ZRANB3: variants seen among roughly 807,000 people sequenced by gnomAD.
The protein encoded by ZRANB3 is DNA annealing helicase and endonuclease ZRANB3.
Under a neutral mutation model 133.8 loss-of-function variants are expected in ZRANB3, and 125 were observed. The ratio of observed to expected loss-of-function variants is 0.93; its 90% CI spans 0.81 to 1.08. The LOEUF is 1.08. ZRANB3 is among the 50% of genes least tolerant of loss of function. ZRANB3 has a pLI of 0.00. For missense variants in ZRANB3, 1,229 were observed against 1,275.5 expected (o/e 0.96, Z 0.56); for synonymous variants, 387 against 432.7 (o/e 0.89, Z 1.31).
intron 2 of ZRANB3, among the ~76,000 whole-genome samples, chr2:135,485,099 A>C (rs531463337): frequency 2.0e-4 from 31 of 152,244 alleles, no homozygotes; most frequent in Admixed American, 1.2e-3. Flanking sequence ...GAGTATACCT[A>C]GAAAGAACAC....
At chr2:135,415,113 A>G (rs1482660945) in intron 2 of ZRANB3, among the ~76,000 whole-genome samples, 1 of 150,562 alleles carries the variant, frequency 6.6e-6, no homozygotes, top group Non-Finnish European at 1.5e-5. Flanking sequence ...TCAGAGCAGA[A>G]CGGAAGGAAA....
chr2:135,490,124 A>T (rs1190508027), intron 2 of ZRANB3, among the ~76,000 whole-genome samples: 1 of 152,204 alleles, frequency 6.6e-6, no homozygotes, highest in Non-Finnish European at 1.5e-5. Flanking sequence ...AGTCTGTAGC[A>T]AACAGTGAGC....
intron 12 of ZRANB3, among the ~76,000 whole-genome samples, chr2:135,263,573 G>A (rs529126647): frequency 6.6e-6 from 1 of 152,088 alleles, no homozygotes; most frequent in Non-Finnish European, 1.5e-5. Flanking sequence ...CCAATTCCAA[G>A]TCTGGAGCAA....
chr2:135,514,100 C>T (rs1693595723), intron 1 of ZRANB3, among the ~76,000 whole-genome samples: 1 of 152,046 alleles, frequency 6.6e-6, no homozygotes, highest in Non-Finnish European at 1.5e-5. Flanking sequence ...GTTCTTTTTG[C>T]CTAGGATTGT....
intron 6 of ZRANB3, among the ~76,000 whole-genome samples, chr2:135,322,092 T>C (rs72982371): frequency 0.062 from 9,403 of 152,248 alleles, 568 homozygotes; most frequent in African/African-American, 0.16. Flanking sequence ...TTTTCACATA[T>C]GGATGTCCAA....
intron 10 of ZRANB3, among the ~76,000 whole-genome samples, chr2:135,269,702 G>A (rs2105117922): frequency 6.6e-6 from 1 of 152,236 alleles, no homozygotes; most frequent in South Asian, 2.1e-4. Flanking sequence ...TTGAAATAGT[G>A]TGACATAAAA....
chr2:135,287,171 A>G (rs1681416441), intron 8 of ZRANB3, among the ~76,000 whole-genome samples: 1 of 152,236 alleles, frequency 6.6e-6, no homozygotes, highest in African/African-American at 2.4e-5. Context: ...TTTATTGAAT[A>G]GAGTGTTCTT....
intron 3 of ZRANB3, among the ~76,000 whole-genome samples, chr2:135,377,414 GT>G (rs58937884): frequency 6.6e-6 from 1 of 151,322 alleles, no homozygotes; most frequent in East Asian, 1.9e-4. Context: ...AATGAAATTA[GT>G]TTTTTTTTGA....
At chr2:135,257,454 C>T (rs1448857913) in intron 12 of ZRANB3, among the ~76,000 whole-genome samples, 1 of 152,144 alleles carries the variant, frequency 6.6e-6, no homozygotes, top group African/African-American at 2.4e-5. Context: ...CTTGGATGTA[C>T]GATTGCTGGG....
chr2:135,324,543 C>T (rs1223031184), intron 6 of ZRANB3, among the ~76,000 whole-genome samples: 13 of 152,124 alleles, frequency 8.5e-5, no homozygotes, highest in East Asian at 3.9e-4. Context: ...AATAAACATA[C>T]GCGTGCATGT....
chr2:135,296,156 A>G (rs1000522982), intron 8 of ZRANB3, among the ~76,000 whole-genome samples: 12 of 152,168 alleles, frequency 7.9e-5, no homozygotes, highest in African/African-American at 2.9e-4. Context: ...TCTCCTGGAT[A>G]ATATCCTGCA....
intron 1 of ZRANB3, among the ~76,000 whole-genome samples, chr2:135,508,814 AAGTC>A (rs1213426504): frequency 1.1e-4 from 17 of 152,244 alleles, no homozygotes; most frequent in African/African-American, 3.4e-4. Flanking sequence ...TTGCTACAAA[AAGTC>A]AGTTGTAATC....
rs796914977 is a variant in ZRANB3, at chr2:135,441,836, G to A, written c.162-51016C>T. 1.6e-4 allele frequency among the ~76,000 whole-genome samples: 24 copies of A among 152,222 alleles called. 1 individual carries two copies. Among genetic ancestry groups the A allele is most frequent in the African/African-American group, 4.8e-4 (20 of 41,548 alleles). ...TAAAAATTTACATTGGTAAGCAAAA[G>A]GCATTTGTTTTAACACAAAAGAATG... On this transcript the variant is annotated intron_variant, in intron 2 of 20. Coordinates refer to ENST00000264159, the MANE Select transcript of ZRANB3 (RefSeq NM_032143.4).
chr2:135,378,491 C>CAA (rs112659354), intron 3 of ZRANB3, among the ~76,000 whole-genome samples: 1 of 135,664 alleles, frequency 7.4e-6, no homozygotes, highest in Admixed American at 7.6e-5. Flanking sequence ...GACTCCATCT[C>CAA]AAAAAAAAAA....
chr2:135,390,262 T>C (rs374623056), intron 3 of ZRANB3, among the ~76,000 whole-genome samples: 1 of 152,294 alleles, frequency 6.6e-6, no homozygotes. Context: ...TTTATTGACT[T>C]ACATTAGTCT....
intron 1 of ZRANB3, among the ~76,000 whole-genome samples, chr2:135,526,570 A>C (rs1211215352): frequency 6.6e-6 from 1 of 152,172 alleles, no homozygotes; most frequent in African/African-American, 2.4e-5. Flanking sequence ...ATATATTGTG[A>C]TTTATTTTTC....
rs965185882 is a variant in ZRANB3 at position 135,300,839 on chromosome 2, C to A, written c.966+12650G>T. Among the ~76,000 whole-genome samples, 5 of 152,304 alleles carry A rather than the reference C, an allele frequency of 3.3e-5. No homozygotes were observed. The East Asian group carries it at 9.6e-4, about 29-fold the overall frequency. On this transcript the variant is annotated intron_variant, in intron 8 of 20. Coordinates refer to ENST00000264159, the MANE Select transcript of ZRANB3 (RefSeq NM_032143.4). ...TATTAGTTATTGCTTCCAATACATT[C>A]TCCACACAGCTAGTTATTCCTCTAA...
At chr2:135,294,536 CA>C (rs1681935380) in intron 8 of ZRANB3, among the ~76,000 whole-genome samples, 1 of 151,840 alleles carries the variant, frequency 6.6e-6, no homozygotes, top group South Asian at 2.1e-4. Flanking sequence ...TTGATATTTT[CA>C]AAAAACCAGC....
At chr2:135,404,720 C>A (rs981169242) in intron 2 of ZRANB3, among the ~76,000 whole-genome samples, 1 of 152,164 alleles carries the variant, frequency 6.6e-6, no homozygotes, top group South Asian at 2.1e-4. Flanking sequence ...GGGTTACCCA[C>A]AAAGGGAAGC....
Sources: allele counts gnomAD v4.1 joint callset (sites outside exome capture counted in the v4.1 genomes callset), GRCh38; gene constraint gnomAD v4.1.1; transcripts MANE v1.5; gene names NCBI Gene and HGNC (gene_info 2026-07-23, HGNC 2026-07-21).